Variants in CDH13 observed in about 807,000 individuals in gnomAD.
The protein encoded by CDH13 is cadherin-13.
A neutral mutation model predicts 63.8 loss-of-function variants in CDH13; 24 were observed. That is an observed-to-expected ratio of 0.38 (90% confidence interval 0.27 to 0.53). The LOEUF is 0.53. CDH13 is among the 20% of genes least tolerant of loss of function. The pLI is 0.85. For synonymous variants in CDH13, 503 were observed against 355.3 expected (o/e 1.42, Z -4.67); for missense variants, 1,049 against 903.1 (o/e 1.16, Z -2.07).
chr16:82,946,096 T>G (rs1205803186), intron 2 of CDH13, among the ~76,000 whole-genome samples: 1 of 152,010 alleles, frequency 6.6e-6, no homozygotes, highest in African/African-American at 2.4e-5. Flanking sequence ...ACAGTATAAG[T>G]CTTTCTGATC....
In CDH13 at chr16:82,745,017, G is replaced by C. The variant is rs552205129; in HGVS notation, c.46-113345G>C. On this transcript the variant is annotated intron_variant, in intron 1 of 13. Coordinates refer to ENST00000567109, the MANE Select transcript of CDH13 (RefSeq NM_001257.5). ...CAGTACGGAGAGCGGTGAATTTTGA[G>C]AAGTGACTTTTTGGCAGAAATGCAA... Among the ~76,000 whole-genome samples, 8 of 152,290 alleles carry C rather than the reference G, an allele frequency of 5.3e-5. No individual in the cohort carries two copies. The South Asian group carries it at 1.7e-3, about 32-fold the overall frequency.
At chr16:83,391,320 C>T (rs1191346660) in intron 6 of CDH13, among the ~76,000 whole-genome samples, 1 of 152,008 alleles carries the variant, frequency 6.6e-6, no homozygotes. Flanking sequence ...ATTCTCCTGC[C>T]TCAGCCTCCC....
intron 1 of CDH13, among the ~76,000 whole-genome samples, chr16:82,638,843 CAT>C (rs1909027942): frequency 1.7e-5 from 1 of 58,218 alleles, no homozygotes; most frequent in African/African-American, 4.7e-5. Context: ...CGTTTGTGTG[CAT>C]GCACGCACCA....
At chr16:83,417,856 C>T (rs1038457866) in intron 6 of CDH13, among the ~76,000 whole-genome samples, 4 of 152,140 alleles carry the variant, frequency 2.6e-5, no homozygotes, top group Non-Finnish European at 5.9e-5. Flanking sequence ...AATGAAAATT[C>T]TATTTCACAG....
chr16:83,430,123 G>A (rs2072050805), intron 6 of CDH13, among the ~76,000 whole-genome samples: 1 of 152,116 alleles, frequency 6.6e-6, no homozygotes, highest in African/African-American at 2.4e-5. Flanking sequence ...TCCCTTCTGG[G>A]TATTTAAAAG....
chr16:83,092,157 G>A (rs894168947), intron 3 of CDH13, among the ~76,000 whole-genome samples: 1 of 152,106 alleles, frequency 6.6e-6, no homozygotes, highest in Non-Finnish European at 1.5e-5. Flanking sequence ...TCTTGTTCCC[G>A]TTTTATAGAA....
chr16:83,040,639 G>T (rs1917250678), intron 3 of CDH13, among the ~76,000 whole-genome samples: 1 of 152,166 alleles, frequency 6.6e-6, no homozygotes, highest in African/African-American at 2.4e-5. Context: ...CCCAGACTGA[G>T]GGTGGGTCTG....
chr16:83,364,922 G>A (rs1016398907), intron 6 of CDH13, among the ~76,000 whole-genome samples: 2 of 152,212 alleles, frequency 1.3e-5, no homozygotes, highest in East Asian at 1.9e-4. Flanking sequence ...GTAGGTAAGC[G>A]GCAAAAGGAG....
intron 2 of CDH13, among the ~76,000 whole-genome samples, chr16:82,909,256 G>A (rs1381298252): frequency 5.4e-5 from 2 of 37,150 alleles, no homozygotes; most frequent in African/African-American, 1.7e-4. Flanking sequence ...CTGTATATGT[G>A]TGTGTGTGTG....
chr16:83,482,283 C>A lies in CDH13; in HGVS notation c.782-4194C>A, dbSNP rs80213172. ...CACTGGGCTTACAAAATGAACACAA[C>A]AGTCTATACCCTCCAAGAGCTCACA... On this transcript the variant is annotated intron_variant, in intron 6 of 13. Coordinates refer to ENST00000567109, the MANE Select transcript of CDH13 (RefSeq NM_001257.5). Among the ~76,000 whole-genome samples the A allele has an allele frequency of 4.2e-3, 644 of 152,284 alleles. 6 individuals carry two copies. Among genetic ancestry groups the A allele is most frequent in the African/African-American group, 0.015 (628 of 41,566 alleles).
intron 5 of CDH13, among the ~76,000 whole-genome samples, chr16:83,320,082 C>G (rs1487308012): frequency 6.6e-6 from 1 of 152,202 alleles, no homozygotes; most frequent in East Asian, 1.9e-4. Context: ...TTCTGTCACT[C>G]AGGCTGGAGT....
At chr16:83,548,972 C>G (rs1168513675) in intron 7 of CDH13, among the ~76,000 whole-genome samples, 1 of 152,168 alleles carries the variant, frequency 6.6e-6, no homozygotes, top group Non-Finnish European at 1.5e-5. Context: ...CTTAAGAAAA[C>G]TGAGGAAGAA....
intron 7 of CDH13, among the ~76,000 whole-genome samples, chr16:83,589,230 C>T (rs1396421305): frequency 6.6e-6 from 1 of 150,592 alleles, no homozygotes; most frequent in Non-Finnish European, 1.5e-5. Flanking sequence ...TCCCTGTCTC[C>T]CCATCCCCCT....
chr16:83,521,264 TA>T (rs879766895), intron 7 of CDH13, among the ~76,000 whole-genome samples: 2 of 152,142 alleles, frequency 1.3e-5, no homozygotes, highest in Non-Finnish European at 2.9e-5. Context: ...TTTATTATTT[TA>T]AGTTATAAAG....
At chr16:82,628,526 G>A (rs767936194) in intron 1 of CDH13, among the ~76,000 whole-genome samples, 1 of 152,146 alleles carries the variant, frequency 6.6e-6, no homozygotes, top group Non-Finnish European at 1.5e-5. Flanking sequence ...ATGGGTGATA[G>A]TACCAGGGGA....
chr16:83,535,313 G>C (rs748761827), intron 7 of CDH13, among the ~76,000 whole-genome samples: 2 of 152,216 alleles, frequency 1.3e-5, no homozygotes, highest in African/African-American at 2.4e-5. Context: ...AAAGGACAAA[G>C]AGATACCACT....
At chr16:83,191,496 T>TAC (rs2038705038) in intron 4 of CDH13, among the ~76,000 whole-genome samples, 1 of 72,262 alleles carries the variant, frequency 1.4e-5, no homozygotes, top group Non-Finnish European at 2.7e-5. Flanking sequence ...TATGCACATA[T>TAC]ATATATATAC....
intron 5 of CDH13, among the ~76,000 whole-genome samples, chr16:83,240,006 G>C (rs970663451): frequency 6.6e-6 from 1 of 152,196 alleles, no homozygotes; most frequent in African/African-American, 2.4e-5. Flanking sequence ...TGTAAAGAGA[G>C]AAAGCCCCAC....
chr16:83,102,656 G>C (rs563072100), intron 3 of CDH13, among the ~76,000 whole-genome samples: 1 of 152,278 alleles, frequency 6.6e-6, no homozygotes, highest in Non-Finnish European at 1.5e-5. Context: ...CCTGGGGGAG[G>C]GTGGTGAGGA....
Sources: allele counts gnomAD v4.1 joint callset (sites outside exome capture counted in the v4.1 genomes callset), GRCh38; gene constraint gnomAD v4.1.1; transcripts MANE v1.5; gene names NCBI Gene and HGNC (gene_info 2026-07-23, HGNC 2026-07-21).